DACH2: variants seen among roughly 807,000 people sequenced by gnomAD.
DACH2 encodes the protein dachshund family transcription factor 2.
DACH2 carries 17 observed loss-of-function variants against 35.8 expected under a neutral mutation model. The observed-to-expected ratio is 0.48, with a 90% CI of 0.33 to 0.71. DACH2 has a LOEUF of 0.71. Ranked by LOEUF, DACH2 falls within the 30% of genes least tolerant of loss-of-function variation. The pLI is 0.02. For synonymous variants in DACH2, 195 were observed against 177.3 expected (o/e 1.10, Z -0.79); for missense variants, 469 against 472.7 (o/e 0.99, Z 0.07).
intron 1 of DACH2, among the ~76,000 whole-genome samples, chrX:86,247,623 C>A: frequency 9.0e-6 from 1 of 111,132 alleles, no homozygotes; most frequent in Non-Finnish European, 1.9e-5. Context: ...AATCAATAAT[C>A]TATGTTCATA....
At chrX:86,349,280 C>A (rs1051165175) in intron 1 of DACH2, among the ~76,000 whole-genome samples, 11 of 111,749 alleles carry the variant, frequency 9.8e-5, no homozygotes, top group Non-Finnish European at 1.5e-4. Flanking sequence ...CCAAACTCCG[C>A]ATCATTTCGC....
At chrX:86,769,667 G>T (rs5922290) in intron 7 of DACH2, among the ~76,000 whole-genome samples, 1 of 110,253 alleles carries the variant, frequency 9.1e-6, no homozygotes, top group African/African-American at 3.3e-5. Flanking sequence ...AGTCATATAG[G>T]CATATAGTCA....
At chrX:86,291,397 C>T (rs1306502753) in intron 1 of DACH2, among the ~76,000 whole-genome samples, 2 of 87,017 alleles carry the variant, frequency 2.3e-5, no homozygotes, top group East Asian at 7.7e-4. Context: ...TCCTCTTTTC[C>T]TGATTGAATA....
chrX:86,540,800 G>T (rs992751309), intron 3 of DACH2, among the ~76,000 whole-genome samples: 1 of 111,777 alleles, frequency 8.9e-6, no homozygotes, highest in African/African-American at 3.2e-5. Context: ...CTGTGAAAAA[G>T]ATGTGAGTCT....
chrX:86,819,015 TA>T (rs2042481458), intron 11 of DACH2, among the ~76,000 whole-genome samples: 1 of 106,636 alleles, frequency 9.4e-6, no homozygotes, highest in African/African-American at 3.4e-5. Flanking sequence ...ATATATAGTA[TA>T]TATACATAAT....
At chrX:86,546,420 T>C (rs868839190) in intron 3 of DACH2, among the ~76,000 whole-genome samples, 12 of 55,171 alleles carry the variant, frequency 2.2e-4, no homozygotes, top group East Asian at 6.6e-4. Flanking sequence ...TCTTCTTCTT[T>C]CTTCTTCTTC....
chrX:86,480,279 C>A (rs1454835683), intron 2 of DACH2, among the ~76,000 whole-genome samples: 1 of 112,155 alleles, frequency 8.9e-6, no homozygotes, highest in African/African-American at 3.2e-5. Flanking sequence ...TTCTCACTTA[C>A]CAGGCAGAGA....
intron 2 of DACH2, among the ~76,000 whole-genome samples, chrX:86,478,094 G>T (rs2037876425): frequency 1.8e-5 from 2 of 111,464 alleles, no homozygotes; most frequent in Admixed American, 1.9e-4. Context: ...TGTTATTTTT[G>T]ATTGGTTCAT....
At chrX:86,691,401 C>G (rs1488596200) in intron 4 of DACH2, among the ~76,000 whole-genome samples, 1 of 111,509 alleles carries the variant, frequency 9.0e-6, no homozygotes, top group Admixed American at 9.6e-5. Flanking sequence ...GGATGAATAC[C>G]TCATTCTCCA....
At chrX:86,617,759 C>G (rs1227960365) in intron 3 of DACH2, among the ~76,000 whole-genome samples, 1 of 111,819 alleles carries the variant, frequency 8.9e-6, no homozygotes, top group Non-Finnish European at 1.9e-5. Context: ...GTTTTTCTGA[C>G]TTTTAAATCC....
At chrX:86,287,102 T>C (rs2034168083) in intron 1 of DACH2, among the ~76,000 whole-genome samples, 1 of 111,537 alleles carries the variant, frequency 9.0e-6, no homozygotes, top group Non-Finnish European at 1.9e-5. Context: ...TTTGTTTGTC[T>C]GGGAAAGTCT....
intron 1 of DACH2, 66 bp downstream of exon 1, chrX:86,149,174 C>T: frequency 9.2e-7 from 1 of 1,089,561 alleles, no homozygotes. Flanking sequence ...CATGCCTCAC[C>T]ACCCTCATCC....
At chrX:86,585,712 T>C (rs1352638871) in intron 3 of DACH2, among the ~76,000 whole-genome samples, 2 of 111,203 alleles carry the variant, frequency 1.8e-5, no homozygotes, top group African/African-American at 6.5e-5. Context: ...TGGCCTGGGG[T>C]TTCATCCATG....
intron 2 of DACH2, among the ~76,000 whole-genome samples, chrX:86,502,816 G>A (rs978223923): frequency 8.9e-6 from 1 of 111,905 alleles, no homozygotes; most frequent in Admixed American, 9.5e-5. Context: ...GAACAGCTTC[G>A]AATGTGATCC....
intron 2 of DACH2, among the ~76,000 whole-genome samples, chrX:86,506,858 A>G (rs955307983): frequency 8.9e-6 from 1 of 111,864 alleles, no homozygotes; most frequent in Admixed American, 9.5e-5. Context: ...CATGATATTC[A>G]CAATTCTATT....
chrX:86,149,116 A>C lies in DACH2; in HGVS notation c.488+8A>C. The C allele has an allele frequency of 8.6e-7, 1 of 1,168,531 alleles. No individual in the cohort carries two copies. The highest frequency in any genetic ancestry group is 1.8e-5 in the African/African-American group (1 of 56,234). ...CGATTGCACCAATGCCAGGTGAGAC[A>C]CTCGTTTCTTGGCTCTCCCACTTCT... On this transcript the variant is annotated splice_region_variant and intron_variant, in intron 1 of 11. Transcript: ENST00000373125.
intron 3 of DACH2, among the ~76,000 whole-genome samples, chrX:86,605,428 T>C (rs2039844251): frequency 9.0e-6 from 1 of 111,265 alleles, no homozygotes; most frequent in African/African-American, 3.3e-5. Flanking sequence ...TTTTTTTTTC[T>C]TTAACTTCTA....
chrX:86,717,871 T>C (rs934788510), intron 6 of DACH2, among the ~76,000 whole-genome samples: 1 of 107,517 alleles, frequency 9.3e-6, no homozygotes, highest in African/African-American at 3.4e-5. Flanking sequence ...TGCATATGTA[T>C]ATATATATCT....
At chrX:86,387,988 A>G (rs1431878084) in intron 2 of DACH2, among the ~76,000 whole-genome samples, 1 of 112,564 alleles carries the variant, frequency 8.9e-6, no homozygotes, top group Non-Finnish European at 1.9e-5. Flanking sequence ...CTCCCAGCCA[A>G]TGGCTGGCTG....
Sources: gnomAD v4.1 joint callset for allele counts (sites outside exome capture counted in the v4.1 genomes callset) on GRCh38, gnomAD v4.1.1 for gene constraint, MANE v1.5 for transcripts, NCBI Gene and HGNC (gene_info 2026-07-23, HGNC 2026-07-21) for gene names.